Variants in GABBR2 observed in about 807,000 individuals in gnomAD.
The protein encoded by GABBR2 is gamma-aminobutyric acid type B receptor subunit 2.
GABBR2 carries 23 observed loss-of-function variants against 105.6 expected under a neutral mutation model. That is an observed-to-expected ratio of 0.22 (90% CI 0.16 to 0.31). The LOEUF is 0.31. GABBR2 is among the 10% of genes least tolerant of loss of function. The probability of loss-of-function intolerance (pLI) is 1.00; values close to 1 mark genes in which losing one functional copy is unlikely to be tolerated. For missense variants in GABBR2, 734 were observed against 1,245.5 expected, an observed-to-expected ratio of 0.59 and a Z score of 6.18; for synonymous variants, 478 against 499.7, an observed-to-expected ratio of 0.96 and a Z score of 0.58.
intron 1 of GABBR2, among the ~76,000 whole-genome samples, chr9:98,683,196 C>T (rs771811004): frequency 6.6e-6 from 1 of 152,156 alleles, no homozygotes; most frequent in Non-Finnish European, 1.5e-5. Context: ...CAGATTCAAT[C>T]GATTCTCCTG....
intron 1 of GABBR2, among the ~76,000 whole-genome samples, chr9:98,695,760 T>G (rs1458838801): frequency 6.6e-6 from 1 of 152,226 alleles, no homozygotes; most frequent in East Asian, 1.9e-4. Context: ...ACAAGGACTC[T>G]GGGGCTCAGG....
chr9:98,637,157 C>T (rs1254070413), intron 1 of GABBR2, among the ~76,000 whole-genome samples: 1 of 152,186 alleles, frequency 6.6e-6, no homozygotes, highest in African/African-American at 2.4e-5. Context: ...AGGTTCCCAG[C>T]CTCTGCAGTG....
chr9:98,361,886 C>T (rs1371359484), intron 13 of GABBR2, among the ~76,000 whole-genome samples: 1 of 152,174 alleles, frequency 6.6e-6, no homozygotes, highest in Non-Finnish European at 1.5e-5. Context: ...TTCTATAAAA[C>T]CTTCTTGTCT....
chr9:98,565,639 C>T lies in GABBR2; in HGVS notation c.459+12296G>A, dbSNP rs766083216. ...CAAGATGTCACCTGGGTGACTATGT[C>T]CTTGAGTGGATGGCCACAGGAGGAA... On this transcript the variant is annotated intron_variant, in intron 2 of 18. Transcript: ENST00000259455. Among the ~76,000 whole-genome samples the T allele has an allele frequency of 1.3e-4, 20 of 152,166 alleles. 1 individual carries two copies. Among genetic ancestry groups the T allele is most frequent in the Non-Finnish European group, 2.2e-4 (15 of 68,034 alleles).
chr9:98,683,046 C>T (rs1461770627), intron 1 of GABBR2, among the ~76,000 whole-genome samples: 1 of 152,190 alleles, frequency 6.6e-6, no homozygotes, highest in African/African-American at 2.4e-5. Context: ...CCCTCTATGC[C>T]ACTGCCCAGC....
rs199861234 is a variant in GABBR2 at position 98,394,036 on chromosome 9, C to T, written c.1378+139G>A. 80 of 641,424 alleles carry T rather than the reference C, an allele frequency of 1.2e-4. 1 individual carries two copies. The highest frequency in any genetic ancestry group is 3.1e-4 in the African/African-American group (17 of 55,686). The allele number at this position is 641,424 out of a possible 1,614,324, so 39.7% of individuals were successfully genotyped here. The stretch of plus-strand genomic sequence containing the variant: ...CAAGTGATTGGAGCCCTGTGCTCAA[C>T]GATTGAGTGCATGTGTTGAGGATGT... On this transcript the variant is annotated intron_variant, in intron 9 of 18. Coordinates refer to ENST00000259455, the MANE Select transcript of GABBR2 (RefSeq NM_005458.8).
At chr9:98,356,638 A>G (rs563200566) in intron 13 of GABBR2, among the ~76,000 whole-genome samples, 10 of 152,336 alleles carry the variant, frequency 6.6e-5, no homozygotes, top group African/African-American at 2.2e-4. Flanking sequence ...CTTACCATAT[A>G]ATCATAACTT....
intron 1 of GABBR2, among the ~76,000 whole-genome samples, chr9:98,680,229 T>A (rs1208572718): frequency 6.6e-6 from 1 of 151,964 alleles, no homozygotes; most frequent in Non-Finnish European, 1.5e-5. Flanking sequence ...AAAAAAAAAA[T>A]TATTCTCCTT....
chr9:98,382,606 C>A (rs1729620956), intron 11 of GABBR2, among the ~76,000 whole-genome samples: 4 of 152,174 alleles, frequency 2.6e-5, no homozygotes. Context: ...TGAGCCACTG[C>A]ACCCGGCCCC....
chr9:98,457,866 A>T (rs2779545), intron 6 of GABBR2, among the ~76,000 whole-genome samples: 2 of 152,224 alleles, frequency 1.3e-5, no homozygotes, highest in Non-Finnish European at 2.9e-5. Flanking sequence ...GCCTCCAATT[A>T]TTCAAGGCAG....
intron 1 of GABBR2, among the ~76,000 whole-genome samples, chr9:98,694,241 G>A (rs953235877): frequency 1.3e-5 from 2 of 152,140 alleles, no homozygotes; most frequent in African/African-American, 4.8e-5. Flanking sequence ...ATGATTTGAG[G>A]TCTAGGCCCC....
intron 1 of GABBR2, among the ~76,000 whole-genome samples, chr9:98,578,457 C>T (rs1828951352): frequency 1.3e-5 from 2 of 151,792 alleles, no homozygotes; most frequent in Admixed American, 6.6e-5. Context: ...ACACAGAAAA[C>T]AACAAGTATT....
chr9:98,680,889 G>A (rs938830828), intron 1 of GABBR2, among the ~76,000 whole-genome samples: 3 of 152,088 alleles, frequency 2.0e-5, no homozygotes, highest in Non-Finnish European at 4.4e-5. Context: ...TTCAACAAAT[G>A]GTATTGGAGC....
chr9:98,512,296 A>G (rs1160750689), intron 3 of GABBR2, among the ~76,000 whole-genome samples: 1 of 142,866 alleles, frequency 7.0e-6, no homozygotes, highest in Non-Finnish European at 1.6e-5. Flanking sequence ...CCCACAGCCA[A>G]TATCATATTG....
At chr9:98,503,857 TG>T (rs1827452145) in intron 3 of GABBR2, among the ~76,000 whole-genome samples, 1 of 152,154 alleles carries the variant, frequency 6.6e-6, no homozygotes, top group Admixed American at 6.5e-5. Flanking sequence ...TAGAAACTGC[TG>T]ATGCCCTAAC....
chr9:98,663,828 G>A (rs1281443117), intron 1 of GABBR2, among the ~76,000 whole-genome samples: 1 of 152,112 alleles, frequency 6.6e-6, no homozygotes, highest in African/African-American at 2.4e-5. Context: ...TTTCTCCAGA[G>A]GGACATCCCA....
At chr9:98,556,812 A>G (rs1463240747) in intron 2 of GABBR2, among the ~76,000 whole-genome samples, 1 of 152,206 alleles carries the variant, frequency 6.6e-6, no homozygotes, top group East Asian at 1.9e-4. Context: ...TGGGAGGCTG[A>G]GGTGGGCGGA....
intron 1 of GABBR2, among the ~76,000 whole-genome samples, chr9:98,580,766 G>A (rs1828989946): frequency 6.6e-6 from 1 of 152,170 alleles, no homozygotes; most frequent in Non-Finnish European, 1.5e-5. Flanking sequence ...CAGCTTGACA[G>A]AGCAAGGCTC....
At chr9:98,592,142 C>A (rs1212226967) in intron 1 of GABBR2, among the ~76,000 whole-genome samples, 2 of 152,182 alleles carry the variant, frequency 1.3e-5, no homozygotes, top group Non-Finnish European at 2.9e-5. Flanking sequence ...ATTAAATTGA[C>A]CTCATTGACT....
Sources: gnomAD v4.1 joint callset for allele counts (sites outside exome capture counted in the v4.1 genomes callset) on GRCh38, gnomAD v4.1.1 for gene constraint, MANE v1.5 for transcripts, NCBI Gene and HGNC (gene_info 2026-07-23, HGNC 2026-07-21) for gene names.